THOC7: variants seen among roughly 807,000 people sequenced by gnomAD.
The protein encoded by THOC7 is THO complex subunit 7.
In THOC7, 22 loss-of-function variants were observed where a neutral mutation model predicts 33.1. The observed-to-expected ratio is 0.66, with a 90% CI of 0.47 to 0.95. THOC7 has a LOEUF of 0.95. THOC7 is among the 40% of genes least tolerant of loss of function. THOC7 has a pLI of 0.00. For missense variants in THOC7, 184 were observed against 245.3 expected, an observed-to-expected ratio of 0.75 and a Z score of 1.67; for synonymous variants, 77 against 76.8, an observed-to-expected ratio of 1.00 and a Z score of -0.01.
At chr3:63,840,564 G>A (rs753410202) in intron 1 of THOC7, among the ~76,000 whole-genome samples, 11 of 152,072 alleles carry the variant, frequency 7.2e-5, no homozygotes, top group South Asian at 4.1e-4. Flanking sequence ...GGACTCCAGC[G>A]CCTATTGGCA....
intron 1 of THOC7, among the ~76,000 whole-genome samples, chr3:63,856,595 A>T (rs1702120239): frequency 2.0e-5 from 3 of 152,240 alleles, no homozygotes; most frequent in Admixed American, 2.0e-4. Flanking sequence ...AAATGACTGT[A>T]TAAAATTTTC....
chr3:63,834,884 G>A (rs925461440), intron 7 of THOC7, among the ~76,000 whole-genome samples: 3 of 152,120 alleles, frequency 2.0e-5, no homozygotes, highest in African/African-American at 7.2e-5. Context: ...GTCAACTACA[G>A]TGAACCAAGA....
chr3:63,857,829 TTCTC>T (rs1041627715), intron 1 of THOC7, among the ~76,000 whole-genome samples: 9 of 152,238 alleles, frequency 5.9e-5, no homozygotes, highest in African/African-American at 1.4e-4. Flanking sequence ...CCTTTGTCTT[TTCTC>T]TCTATTTAAA....
intron 1 of THOC7, chr3:63,846,178 C>T: frequency 2.2e-6 from 1 of 449,656 alleles, no homozygotes; most frequent in South Asian, 1.6e-5. Context: ...CAATCTACTA[C>T]TAAATATTCA....
chr3:63,859,070 C>T (rs1303781658), intron 1 of THOC7, among the ~76,000 whole-genome samples: 1 of 152,208 alleles, frequency 6.6e-6, no homozygotes, highest in Non-Finnish European at 1.5e-5. Context: ...ACTGGTACTC[C>T]TCCAAGAGCT....
At chr3:63,845,130 T>A in intron 1 of THOC7, 1 of 664,162 alleles carries the variant, frequency 1.5e-6, no homozygotes, top group East Asian at 2.7e-5. Context: ...ATCTCCTTCA[T>A]GTAGCCCTGA....
chr3:63,863,883 A>G (rs3185045), upstream of THOC7: 104 of 1,169,314 alleles, frequency 8.9e-5, no homozygotes, highest in Non-Finnish European at 1.1e-4. Context: ...CAGCCGGGTA[A>G]ACAGCCATGG....
intron 3 of THOC7, 147 bp downstream of exon 3, chr3:63,838,224 AT>A: frequency 2.2e-6 from 2 of 906,512 alleles, no homozygotes; most frequent in Non-Finnish European, 1.6e-6. Flanking sequence ...TAGAATACAC[AT>A]TTTTTATAGC....
At position 63,838,063 on chromosome 3, in the gene THOC7, CTA is replaced by C. The variant is rs1328484074; in HGVS notation, c.266-3_266-2del. 1 of 1,591,194 alleles carries C rather than the reference CTA, an allele frequency of 6.3e-7. No individual in the cohort carries two copies. The highest frequency in any genetic ancestry group is 1.4e-5 in the African/African-American group (1 of 73,542). On this transcript the variant is annotated splice_acceptor_variant and splice_polypyrimidine_tract_variant and intron_variant, in intron 3 of 7. Coordinates refer to ENST00000295899, the MANE Select transcript of THOC7 (RefSeq NM_025075.4). LOFTEE classifies it high-confidence loss of function. ...TCATGTGCTCCAGCTATGCTACATT[CTA>C]TATGAGAAGGTTTTTTAAAAGATAG...
intron 4 of THOC7, 83 bp from the exon 5 acceptor site, chr3:63,836,441 C>G: frequency 3.2e-6 from 4 of 1,252,286 alleles, no homozygotes; most frequent in Non-Finnish European, 4.6e-6. Context: ...TCACAAACCT[C>G]TCCTAATCAC....
chr3:63,863,100 C>T (rs1261699998), intron 1 of THOC7: 2 of 152,802 alleles, frequency 1.3e-5, no homozygotes, highest in Admixed American at 1.3e-4. Flanking sequence ...GATACCTCAT[C>T]CCTATCTATT....
At chr3:63,839,879 G>T in intron 1 of THOC7, 106 bp from the exon 2 acceptor site, 2 of 905,084 alleles carry the variant, frequency 2.2e-6, no homozygotes, top group Non-Finnish European at 1.7e-6. Context: ...TTATTGAAAT[G>T]TAAATGCATT....
At chr3:63,860,925 C>G (rs1243504141) in intron 1 of THOC7, 1 of 152,048 alleles carries the variant, frequency 6.6e-6, no homozygotes, top group Non-Finnish European at 1.5e-5. Context: ...TGAGGTGGGT[C>G]TTGAGGAATA....
intron 1 of THOC7, among the ~76,000 whole-genome samples, chr3:63,848,040 T>C (rs530718297): frequency 6.6e-6 from 1 of 152,312 alleles, no homozygotes; most frequent in Non-Finnish European, 1.5e-5. Flanking sequence ...AAACAGACTC[T>C]TTGTACCAAT....
chr3:63,844,673 G>A (rs529739601), intron 1 of THOC7, among the ~76,000 whole-genome samples: 1 of 152,126 alleles, frequency 6.6e-6, no homozygotes, highest in South Asian at 2.1e-4. Context: ...TGATAAAAGG[G>A]TGAGTTCAGC....
intron 1 of THOC7, 139 bp from the exon 2 acceptor site, chr3:63,839,912 T>A: frequency 1.6e-6 from 1 of 633,040 alleles, no homozygotes; most frequent in Admixed American, 3.0e-5. Context: ...ACTGTACACT[T>A]AAAAATGGCT....
chr3:63,838,403 C>A lies in THOC7; in HGVS notation c.234G>T (p.Met78Ile). ...CCTTGTAAATTTTTTCATAATTTTC[C>A]ATTTCTCTGAGATTCATATCATATA... is the stretch of plus-strand genomic sequence containing the variant. ...LLVYDMNLREMENYEKIYKEI... is the reference protein window; with the variant it reads ...LLVYDMNLREIENYEKIYKEI... The change falls in exon 3 of 8, where the codon ATG (methionine) becomes ATT (isoleucine). Residue 78 changes from methionine (M) to isoleucine (I), a missense_variant. Around this residue, in one of 3 missense-constraint regions of THOC7, gnomAD observed 157 missense variants for 201.3 expected, o/e 0.78. Coordinates refer to ENST00000295899, the MANE Select transcript of THOC7 (RefSeq NM_025075.4). The A allele has an allele frequency of 6.4e-7, 1 of 1,566,184 alleles. No individual in the cohort carries two copies. The highest frequency in any genetic ancestry group is 1.8e-5 in the Admixed American group (1 of 54,306).
Position 63,850,293 on chromosome 3 carries a change from C to G in THOC7, c.20-10520G>C, listed in dbSNP as rs189393631. 4.9e-4 allele frequency among the ~76,000 whole-genome samples: 73 copies of G among 149,726 alleles called. 2 individuals are homozygous for G. Among genetic ancestry groups the G allele is most frequent in the African/African-American group, 1.7e-3 (70 of 40,630 alleles). Reference sequence around the variant, plus strand: ...TCGGCTCACTGCAACCTCTGCCTCCCGGGTTCAAGCAATAACCCTGTCTCA... The same window carrying G: ...TCGGCTCACTGCAACCTCTGCCTCCGGGGTTCAAGCAATAACCCTGTCTCA... On this transcript the variant is annotated intron_variant, in intron 1 of 7. Coordinates refer to ENST00000295899, the MANE Select transcript of THOC7 (RefSeq NM_025075.4).
intron 1 of THOC7, among the ~76,000 whole-genome samples, chr3:63,860,259 G>A (rs1022127054): frequency 3.3e-5 from 5 of 149,744 alleles, no homozygotes; most frequent in African/African-American, 9.9e-5. Context: ...TGCTTAGGAT[G>A]GTCGCAAACT....
Sources: gnomAD v4.1 joint callset for allele counts (sites outside exome capture counted in the v4.1 genomes callset) on GRCh38, gnomAD v4.1.1 for gene constraint, gnomAD v4.1.1 regional missense constraint, MANE v1.5 for transcripts, NCBI Gene and HGNC (gene_info 2026-07-23, HGNC 2026-07-21) for gene names.